GPR157: variants seen among roughly 807,000 people sequenced by gnomAD.
GPR157 encodes the protein G-protein coupled receptor 157.
A neutral mutation model predicts 23.5 loss-of-function variants in GPR157; 16 were observed. The observed-to-expected ratio is 0.68, with a 90% CI of 0.46 to 1.04. GPR157 has a LOEUF of 1.04. Ranked by LOEUF, GPR157 falls within the 50% of genes least tolerant of loss-of-function variation. GPR157 has a pLI of 0.00. For missense variants in GPR157, 440 were observed against 460.7 expected (o/e 0.96, Z 0.41); for synonymous variants, 200 against 221.5 (o/e 0.90, Z 0.86).
rs1488784521 is a variant in GPR157, at chr1:9,128,340, G to A, written c.383+305C>T. 3.1e-6 allele frequency: 2 copies of A among 635,990 alleles called. No homozygotes were observed. Among genetic ancestry groups the A allele is most frequent in the South Asian group, 3.0e-5 (2 of 66,188 alleles). The allele number at this position is 635,990 out of a possible 1,614,324, so 39.4% of individuals were successfully genotyped here. ...GGACACAGTGAAGCAGGTCACAAGG[G>A]GCTCAGAGTGTCCTCCCCAGCCCCG... On this transcript the variant is annotated intron_variant, in intron 1 of 3. Transcript: ENST00000377411. The surrounding 1 kb of genome is among the most constrained non-coding windows in gnomAD (Gnocchi z 6.3).
At chr1:9,119,030 CTTT>C (rs775520071) in intron 1 of GPR157, among the ~76,000 whole-genome samples, 2 of 113,218 alleles carry the variant, frequency 1.8e-5, no homozygotes, top group Non-Finnish European at 1.7e-5. Flanking sequence ...GAGACCCTGC[CTTT>C]TTTTTTTTTT....
chr1:9,109,363 A>C (rs944734768), intron 2 of GPR157, among the ~76,000 whole-genome samples: 21 of 151,836 alleles, frequency 1.4e-4, no homozygotes, highest in African/African-American at 5.1e-4. Flanking sequence ...GATTACAGGC[A>C]TGAGTCACCA....
rs1046628954 is a variant in GPR157, at chr1:9,103,276, G to A, written c.*1143C>T. The A allele has an allele frequency of 6.6e-6, 1 of 152,280 alleles. No homozygotes were observed. The highest frequency in any genetic ancestry group is 2.4e-5 in the African/African-American group (1 of 41,414). 9.4% of individuals were successfully genotyped at this position (152,280 alleles called of 1,614,324 possible). On this transcript the variant is annotated 3_prime_UTR_variant, in exon 4 of 4. Coordinates refer to ENST00000377411, the MANE Select transcript of GPR157 (RefSeq NM_024980.5). ...CCTCCCAGGTTCAAGAGATTCTCCTGCCTCAGCCTCCCAAAGACCTGGGAT... is the reference window on the plus strand; with the variant it reads ...CCTCCCAGGTTCAAGAGATTCTCCTACCTCAGCCTCCCAAAGACCTGGGAT...
Position 9,128,781 on chromosome 1 carries a change from C to A in GPR157, c.247G>T (p.Gly83Cys). ...AGPSWDCVLQ[G>C]ALSTFANTSS... ...GTGTTGGCGAAGGTGGACAGCGCGC[C>A]CTGCAGCACGCAGTCCCACGACGGG... Residue 83 changes from glycine to cysteine, a missense_variant, in exon 1 of 4, where the codon GGC becomes TGC. By Grantham distance (159) the Gly-to-Cys change is radical (BLOSUM62 -3). Transcript: ENST00000377411. This position sits in a 1 kb window ranked among gnomAD's most constrained non-coding sequence, Gnocchi z 6.3. 1 of 1,611,768 alleles carries A rather than the reference C, an allele frequency of 6.2e-7. No individual in the cohort carries two copies.
intron 1 of GPR157, among the ~76,000 whole-genome samples, chr1:9,126,866 T>C (rs1638972614): frequency 6.6e-6 from 1 of 152,164 alleles, no homozygotes; most frequent in African/African-American, 2.4e-5. Context: ...GATGAATACG[T>C]TGCTTGTTTT....
Position 9,114,920 on chromosome 1 carries a change from CAAAAAAAAAAAA to C in GPR157, c.384-3443_384-3432del, listed in dbSNP as rs70985588. Among the ~76,000 whole-genome samples the C allele has an allele frequency of 6.7e-4, 57 of 85,486 alleles. 1 individual carries two copies. Among genetic ancestry groups the C allele is most frequent in the African/African-American group, 2.3e-3 (51 of 22,212 alleles). The allele number at this position is 85,486 out of a possible 152,430, so 56.1% of individuals were successfully genotyped here. A position where few individuals can be genotyped will look rare whatever the true frequency, so the allele number is the denominator to read the frequency against. On this transcript the variant is annotated intron_variant, in intron 1 of 3. Coordinates refer to ENST00000377411, the MANE Select transcript of GPR157 (RefSeq NM_024980.5). ...TGGGTGACAGAGCGAGACTCCGTCT[CAAAAAAAAAAAA>C]AAAAAAAAAAGAATAAAAGAATATG...
intron 1 of GPR157, among the ~76,000 whole-genome samples, chr1:9,114,915 C>G (rs1277204074): frequency 1.8e-5 from 2 of 109,040 alleles, no homozygotes; most frequent in Admixed American, 9.7e-5. Context: ...AGCGAGACTC[C>G]GTCTCAAAAA....
intron 1 of GPR157, among the ~76,000 whole-genome samples, chr1:9,112,577 T>C (rs936180747): frequency 6.6e-6 from 1 of 152,118 alleles, no homozygotes; most frequent in African/African-American, 2.4e-5. Flanking sequence ...CTCAGCCTCC[T>C]AAGTAGCTGA....
chr1:9,113,133 TGTC>T (rs1286715010), intron 1 of GPR157, among the ~76,000 whole-genome samples: 1 of 152,088 alleles, frequency 6.6e-6, no homozygotes, highest in Admixed American at 6.5e-5. Flanking sequence ...TGTTTGCTGC[TGTC>T]GTGACTGTTG....
chr1:9,127,438 C>T (rs1216675891), intron 1 of GPR157, among the ~76,000 whole-genome samples: 1 of 152,204 alleles, frequency 6.6e-6, no homozygotes, highest in Non-Finnish European at 1.5e-5. Context: ...CCCGTGTACT[C>T]GGGGCCCACA....
Position 9,104,341 on chromosome 1 carries a change from C to T in GPR157, c.*78G>A, listed in dbSNP as rs554945641. 3 of 1,048,582 alleles carry T rather than the reference C, an allele frequency of 2.9e-6. No individual in the cohort carries two copies. Among genetic ancestry groups the T allele is most frequent in the Non-Finnish European group, 1.5e-6 (1 of 688,278 alleles). The allele number at this position is 1,048,582 out of a possible 1,614,324, so 65.0% of individuals were successfully genotyped here. A position where few individuals can be genotyped will look rare whatever the true frequency, so the allele number is the denominator to read the frequency against. On this transcript the variant is annotated 3_prime_UTR_variant, in exon 4 of 4. Coordinates refer to ENST00000377411, the MANE Select transcript of GPR157 (RefSeq NM_024980.5). The stretch of plus-strand genomic sequence containing the variant: ...CTGGTGCAGCAGACATGCACTTCTG[C>T]CCCTGCAGCAGGGACTCACAGAAGT...
rs759062811 is a variant in GPR157, at chr1:9,128,687, C to A, written c.341G>T (p.Gly114Val). 4.3e-6 allele frequency: 7 copies of A among 1,613,220 alleles called. No homozygotes were observed. Among genetic ancestry groups the A allele is most frequent in the South Asian group, 1.1e-5 (1 of 91,076 alleles). Reference sequence around the variant, plus strand: ...CCAAAGCAGGCGATCTGTGCGAGGCCCGCGCGCGGCGCGGACGATGCTGAG... The same window carrying A: ...CCAAAGCAGGCGATCTGTGCGAGGCACGCGCGCGGCGCGGACGATGCTGAG... Reference protein sequence around the residue: ...LYLSIVRAARGPRTDRLLWAF... With the variant: ...LYLSIVRAARVPRTDRLLWAF... Residue 114 changes from glycine to valine, a missense_variant, in exon 1 of 4, where the codon GGG becomes GTG. Physicochemically the swap from Gly to Val is moderately radical, Grantham distance 109 (BLOSUM62 -3). Coordinates refer to ENST00000377411, the MANE Select transcript of GPR157 (RefSeq NM_024980.5). The surrounding 1 kb of genome is among the most constrained non-coding windows in gnomAD (Gnocchi z 6.3).
chr1:9,116,344 A>AT lies in GPR157; in HGVS notation c.384-4856dup, dbSNP rs1638675388. On this transcript the variant is annotated intron_variant, in intron 1 of 3. Coordinates refer to ENST00000377411, the MANE Select transcript of GPR157 (RefSeq NM_024980.5). ...TATATATAAATTATATATAATTTAT[A>AT]TATAATTATATATAAATTATATATA... Among the ~76,000 whole-genome samples, 2 of 22,080 alleles carry AT rather than the reference A, an allele frequency of 9.1e-5. 1 individual carries two copies. The highest frequency in any genetic ancestry group is 1.3e-4 in the Non-Finnish European group (2 of 15,724). The allele number at this position is 22,080 out of a possible 152,430, so 14.5% of individuals were successfully genotyped here.
intron 1 of GPR157, among the ~76,000 whole-genome samples, chr1:9,113,090 T>C (rs1413533148): frequency 6.6e-6 from 1 of 152,180 alleles, no homozygotes; most frequent in Non-Finnish European, 1.5e-5. Flanking sequence ...AATACATGTG[T>C]GTACAGAGCA....
At chr1:9,104,731 T>C (rs915719795) in intron 3 of GPR157, 97 bp from the exon 4 acceptor site, 16 of 872,670 alleles carry the variant, frequency 1.8e-5, no homozygotes, top group Admixed American at 1.2e-4. Context: ...CTGGGTGCGG[T>C]GGCTCACACC....
chr1:9,127,648 C>A (rs944297076), intron 1 of GPR157, among the ~76,000 whole-genome samples: 1 of 152,214 alleles, frequency 6.6e-6, no homozygotes, highest in Non-Finnish European at 1.5e-5. Flanking sequence ...AACTGAAGGT[C>A]AAGCGACTCT....
At chr1:9,121,520 T>A (rs1157599471) in intron 1 of GPR157, among the ~76,000 whole-genome samples, 1 of 143,330 alleles carries the variant, frequency 7.0e-6, no homozygotes, top group Non-Finnish European at 1.5e-5. Flanking sequence ...TACGCCTGTA[T>A]TCCCAGCTAC....
chr1:9,129,045 G>A lies in GPR157; in HGVS notation c.-18C>T. ...GGCTGCATGGCGTGGGGGGCCAGGA[G>A]CCGGAGCGCCGCGAGGACAGAAGCC... On this transcript the variant is annotated 5_prime_UTR_variant, in exon 1 of 4. Coordinates refer to ENST00000377411, the MANE Select transcript of GPR157 (RefSeq NM_024980.5). The A allele has an allele frequency of 8.0e-7, 1 of 1,249,710 alleles. No individual in the cohort carries two copies. Among genetic ancestry groups the A allele is most frequent in the Non-Finnish European group, 1.0e-6 (1 of 999,254 alleles). The allele number at this position is 1,249,710 out of a possible 1,614,324, so 77.4% of individuals were successfully genotyped here. A position where few individuals can be genotyped will look rare whatever the true frequency, so the allele number is the denominator to read the frequency against.
At chr1:9,115,372 C>T (rs1025021678) in intron 1 of GPR157, among the ~76,000 whole-genome samples, 2 of 152,190 alleles carry the variant, frequency 1.3e-5, no homozygotes, top group Non-Finnish European at 2.9e-5. Context: ...TCACAGAATG[C>T]TTTTGTTGAT....
Sources: allele counts gnomAD v4.1 joint callset (sites outside exome capture counted in the v4.1 genomes callset), GRCh38; gene constraint gnomAD v4.1.1; non-coding constraint Gnocchi (gnomAD v3.1); transcripts MANE v1.5; gene names NCBI Gene and HGNC (gene_info 2026-07-23, HGNC 2026-07-21).